Variants in DSCAM observed in about 807,000 individuals in gnomAD.
DSCAM encodes cell adhesion molecule DSCAM.
A neutral mutation model predicts 217.7 loss-of-function variants in DSCAM; 47 were observed. That is an observed-to-expected ratio of 0.22 (90% CI 0.17 to 0.28). The LOEUF (loss-of-function observed/expected upper bound fraction) is 0.28, where lower values mean the gene tolerates loss of function less well. Among genes scored for constraint, DSCAM ranks in the 10% least tolerant of loss-of-function variants. The probability of loss-of-function intolerance (pLI) is 1.00; values close to 1 mark genes in which losing one functional copy is unlikely to be tolerated. For missense variants in DSCAM, 2,080 were observed against 2,618.3 expected (o/e 0.79, Z 4.49); for synonymous variants, 1,056 against 1,015.3 (o/e 1.04, Z -0.76).
chr21:40,581,169 G>A (rs567444801), intron 3 of DSCAM, among the ~76,000 whole-genome samples: 8 of 152,294 alleles, frequency 5.3e-5, no homozygotes, highest in Non-Finnish European at 4.4e-5. Context: ...TCCTTTAAAC[G>A]AAGAAGCATA....
chr21:40,374,379 C>G (rs977185190), intron 3 of DSCAM, among the ~76,000 whole-genome samples: 2 of 152,158 alleles, frequency 1.3e-5, no homozygotes, highest in Non-Finnish European at 2.9e-5. Flanking sequence ...TGCTTGTTTG[C>G]TTACTTATGA....
chr21:40,584,095 G>C lies in DSCAM; in HGVS notation c.508+108715C>G, dbSNP rs139270575. Among the ~76,000 whole-genome samples, 546 of 152,232 alleles carry C rather than the reference G, an allele frequency of 3.6e-3. 1 individual carries two copies. Among genetic ancestry groups the C allele is most frequent in the Middle Eastern group, 6.8e-3 (2 of 294 alleles). On this transcript the variant is annotated intron_variant, in intron 3 of 32. Transcript: ENST00000400454. ...GTATCAGTCAGAAAAGACCTCATTTGATCCCCACTTCCCATATGTGCCATG... is the reference window on the plus strand; with the variant it reads ...GTATCAGTCAGAAAAGACCTCATTTCATCCCCACTTCCCATATGTGCCATG...
intron 1 of DSCAM, among the ~76,000 whole-genome samples, chr21:40,839,906 C>T (rs934919118): frequency 2.6e-5 from 4 of 152,160 alleles, no homozygotes; most frequent in Non-Finnish European, 4.4e-5. Flanking sequence ...AGCCTCTTTC[C>T]TTCTTCATAT....
rs373003042 is a variant in DSCAM, at chr21:40,433,723, AGAT to A, written c.509-64481_509-64479del. Among the ~76,000 whole-genome samples the A allele has an allele frequency of 1.1e-4, 16 of 152,256 alleles. No individual in the cohort carries two copies. The East Asian group carries it at 2.9e-3, about 28-fold the overall frequency. ...ATCTGAGGTGGATGTCACCTGAGGT[AGAT>A]GATATCACCTGAAGTGGATGATGTC... is the stretch of plus-strand genomic sequence containing the variant. On this transcript the variant is annotated intron_variant, in intron 3 of 32. Coordinates refer to ENST00000400454, the MANE Select transcript of DSCAM (RefSeq NM_001389.5).
At chr21:40,741,008 C>T (rs1312517398) in intron 1 of DSCAM, among the ~76,000 whole-genome samples, 1 of 152,162 alleles carries the variant, frequency 6.6e-6, no homozygotes, top group African/African-American at 2.4e-5. Context: ...AAGGCTGTTA[C>T]ACTTACTCAG....
At chr21:40,504,346 G>A (rs190471407) in intron 3 of DSCAM, among the ~76,000 whole-genome samples, 10 of 152,168 alleles carry the variant, frequency 6.6e-5, no homozygotes, top group South Asian at 2.1e-4. Flanking sequence ...TGATGGCCAC[G>A]GGGCACACAG....
At chr21:40,693,814 C>T (rs1405628650) in intron 2 of DSCAM, among the ~76,000 whole-genome samples, 1 of 152,184 alleles carries the variant, frequency 6.6e-6, no homozygotes, top group African/African-American at 2.4e-5. Context: ...CCCAGAAAGA[C>T]TGCAGAGTGG....
chr21:40,501,627 T>C (rs967249173), intron 3 of DSCAM, among the ~76,000 whole-genome samples: 1 of 152,272 alleles, frequency 6.6e-6, no homozygotes, highest in African/African-American at 2.4e-5. Flanking sequence ...GTTTTGCTCT[T>C]GTTGCCCAGG....
intron 3 of DSCAM, among the ~76,000 whole-genome samples, chr21:40,567,260 C>A (rs1308489970): frequency 6.6e-6 from 1 of 152,192 alleles, no homozygotes; most frequent in Non-Finnish European, 1.5e-5. Flanking sequence ...GGCTTTGGGG[C>A]CTCCCGGTCT....
intron 3 of DSCAM, among the ~76,000 whole-genome samples, chr21:40,655,446 C>CTTTT (rs376852214): frequency 0.28 from 39,173 of 138,422 alleles, 5,845 homozygotes; most frequent in African/African-American, 0.36. Context: ...ATCTGTCTCT[C>CTTTT]TTTTTTTTTT....
intron 3 of DSCAM, among the ~76,000 whole-genome samples, chr21:40,667,552 C>G (rs9984337): frequency 0.41 from 62,948 of 152,012 alleles, 13,847 homozygotes; most frequent in East Asian, 0.57. Flanking sequence ...TGGCTGTGTC[C>G]TCACCAACAT....
chr21:40,039,350 C>A, intron 32 of DSCAM, among the ~76,000 whole-genome samples: 1 of 149,922 alleles, frequency 6.7e-6, no homozygotes, highest in Admixed American at 6.7e-5. Context: ...TTGATTAAAG[C>A]TACTGAAAGT....
intron 3 of DSCAM, among the ~76,000 whole-genome samples, chr21:40,440,942 G>A (rs1296633338): frequency 2.0e-5 from 3 of 152,164 alleles, no homozygotes; most frequent in Non-Finnish European, 2.9e-5. Context: ...GAGCTTTGAG[G>A]ACACTCTCTT....
At chr21:40,718,442 A>T (rs35179686) in intron 1 of DSCAM, among the ~76,000 whole-genome samples, 7,154 of 152,348 alleles carry the variant, frequency 0.047, 229 homozygotes, top group African/African-American at 0.089. Context: ...TAGGGAAGCC[A>T]CAAAATCCTG....
In DSCAM at chr21:40,176,289, G is replaced by C. The variant is rs115824711; in HGVS notation, c.2947+2638C>G. ...GGTGAGTGCTGGGCATTGGGCTCTG[G>C]GGAGTCACTAAGTGTCATTGCAAAG... On this transcript the variant is annotated intron_variant, in intron 15 of 32. Coordinates refer to ENST00000400454, the MANE Select transcript of DSCAM (RefSeq NM_001389.5). Among the ~76,000 whole-genome samples, 976 of 152,150 alleles carry C rather than the reference G, an allele frequency of 6.4e-3. 14 individuals carry two copies. Among genetic ancestry groups the C allele is most frequent in the African/African-American group, 0.023 (943 of 41,490 alleles).
At chr21:40,057,554 G>A (rs1450412202) in intron 28 of DSCAM, among the ~76,000 whole-genome samples, 1 of 152,138 alleles carries the variant, frequency 6.6e-6, no homozygotes, top group Non-Finnish European at 1.5e-5. Context: ...GCAGTCAGCG[G>A]CTGCTCTATT....
At chr21:40,445,900 C>T (rs2075670927) in intron 3 of DSCAM, among the ~76,000 whole-genome samples, 1 of 152,114 alleles carries the variant, frequency 6.6e-6, no homozygotes, top group Non-Finnish European at 1.5e-5. Context: ...GACTCTATTA[C>T]CTTCAATGCA....
intron 3 of DSCAM, among the ~76,000 whole-genome samples, chr21:40,522,677 G>A (rs2076368516): frequency 6.6e-6 from 1 of 152,130 alleles, no homozygotes; most frequent in East Asian, 1.9e-4. Flanking sequence ...TGATCGTCAT[G>A]AGCAAAACAA....
At chr21:40,575,518 A>G (rs2076843022) in intron 3 of DSCAM, among the ~76,000 whole-genome samples, 2 of 152,190 alleles carry the variant, frequency 1.3e-5, no homozygotes, top group African/African-American at 4.8e-5. Context: ...CAAGGTGCAA[A>G]GCCAATTAGG....
Sources: allele counts gnomAD v4.1 joint callset (sites outside exome capture counted in the v4.1 genomes callset), GRCh38; gene constraint gnomAD v4.1.1; transcripts MANE v1.5; gene names NCBI Gene and HGNC (gene_info 2026-07-23, HGNC 2026-07-21).